METTL15: variants seen among roughly 807,000 people sequenced by gnomAD.
The protein encoded by METTL15 is methyltransferase 15, mitochondrial 12S rRNA N4-cytidine.
In METTL15, 34 loss-of-function variants were observed where a neutral mutation model predicts 38.3. That is an observed-to-expected ratio of 0.89 (90% CI 0.68 to 1.18). METTL15 has a LOEUF of 1.18. METTL15 is among the 50% of genes most tolerant of loss of function. The pLI is 0.00. For synonymous variants in METTL15, 162 were observed against 170.9 expected (o/e 0.95, Z 0.41); for missense variants, 438 against 498.4 (o/e 0.88, Z 1.15).
chr11:28,141,357 C>A (rs1054352828), intron 3 of METTL15, among the ~76,000 whole-genome samples: 1 of 151,976 alleles, frequency 6.6e-6, no homozygotes, highest in African/African-American at 2.4e-5. Context: ...TGAAAAATAT[C>A]TGAAAGATCA....
chr11:28,204,435 C>CTTT (rs59729387), intron 3 of METTL15, among the ~76,000 whole-genome samples: 1,109 of 79,364 alleles, frequency 0.014, 115 homozygotes, highest in Non-Finnish European at 0.019. Context: ...CTGAGTTTTC[C>CTTT]TTTTTTTTTT....
chr11:28,531,080 A>G (rs1351842635), downstream of METTL15, among the ~76,000 whole-genome samples: 1 of 151,920 alleles, frequency 6.6e-6, no homozygotes, highest in African/African-American at 2.4e-5. Flanking sequence ...CTGCATTTGT[A>G]CTTTTCATTC....
chr11:28,231,035 A>T (rs1217664437), intron 4 of METTL15, among the ~76,000 whole-genome samples: 1 of 151,846 alleles, frequency 6.6e-6, no homozygotes, highest in Non-Finnish European at 1.5e-5. Flanking sequence ...CTAAATTCAA[A>T]CTTAAATTAT....
intron 4 of METTL15, among the ~76,000 whole-genome samples, chr11:28,225,146 A>C (rs937706496): frequency 6.6e-6 from 1 of 151,712 alleles, no homozygotes; most frequent in Non-Finnish European, 1.5e-5. Flanking sequence ...TGGCTCTTTA[A>C]ATTCTATCTT....
chr11:28,295,966 G>C (rs772325163), intron 5 of METTL15, among the ~76,000 whole-genome samples: 1 of 152,086 alleles, frequency 6.6e-6, no homozygotes, highest in Admixed American at 6.6e-5. Context: ...TCATCACTTA[G>C]AATTCTTTGG....
intron 5 of METTL15, among the ~76,000 whole-genome samples, chr11:28,363,102 G>T (rs1363120888): frequency 6.6e-6 from 1 of 152,118 alleles, no homozygotes; most frequent in Non-Finnish European, 1.5e-5. Flanking sequence ...GCTCTCTGAT[G>T]AGTAGTGATG....
chr11:28,294,286 A>G (rs1182480994), intron 5 of METTL15, among the ~76,000 whole-genome samples: 1 of 152,170 alleles, frequency 6.6e-6, no homozygotes, highest in East Asian at 1.9e-4. Context: ...AAGAAAAGTC[A>G]TAGATTCAAA....
At chr11:28,444,467 A>G (rs1049289345) in intron 6 of METTL15, among the ~76,000 whole-genome samples, 3 of 152,184 alleles carry the variant, frequency 2.0e-5, no homozygotes, top group African/African-American at 7.2e-5. Context: ...TCCATTTGCT[A>G]TTATTAATTA....
intron 6 of METTL15, among the ~76,000 whole-genome samples, chr11:28,441,780 A>G (rs1851036801): frequency 6.6e-6 from 1 of 152,160 alleles, no homozygotes; most frequent in Non-Finnish European, 1.5e-5. Flanking sequence ...TCATTTTTCC[A>G]TAAGATAAAA....
intron 4 of METTL15, among the ~76,000 whole-genome samples, chr11:28,229,226 G>A (rs553730042): frequency 6.6e-6 from 1 of 152,024 alleles, no homozygotes; most frequent in Admixed American, 6.6e-5. Flanking sequence ...ATTATGCTAA[G>A]ATTTTGGAAA....
chr11:28,168,985 C>G (rs934495746), intron 3 of METTL15, among the ~76,000 whole-genome samples: 1 of 152,030 alleles, frequency 6.6e-6, no homozygotes, highest in Non-Finnish European at 1.5e-5. Flanking sequence ...GGACTTTAAC[C>G]TGTAGGCAAC....
At chr11:28,506,556 T>G (rs1223828047) in intron 6 of METTL15, among the ~76,000 whole-genome samples, 1 of 152,174 alleles carries the variant, frequency 6.6e-6, no homozygotes, top group Non-Finnish European at 1.5e-5. Flanking sequence ...TCATTCAATA[T>G]TTATGCCTAA....
intron 5 of METTL15, among the ~76,000 whole-genome samples, chr11:28,374,820 A>C (rs1367536668): frequency 1.3e-5 from 2 of 150,626 alleles, no homozygotes; most frequent in East Asian, 4.0e-4. Context: ...GATAGCTCTT[A>C]TTATTTTGAA....
intron 3 of METTL15, among the ~76,000 whole-genome samples, chr11:28,152,478 A>G (rs1850124465): frequency 6.6e-6 from 1 of 151,952 alleles, no homozygotes; most frequent in African/African-American, 2.4e-5. Context: ...TGTTTTTTAA[A>G]TATAGTTTGA....
chr11:28,272,225 C>T (rs1413679152), intron 4 of METTL15, among the ~76,000 whole-genome samples: 1 of 152,092 alleles, frequency 6.6e-6, no homozygotes, highest in African/African-American at 2.4e-5. Context: ...TGGGTATATA[C>T]CCAAAGGATT....
intron 6 of METTL15, among the ~76,000 whole-genome samples, chr11:28,310,286 C>T (rs531261993): frequency 6.6e-6 from 1 of 151,820 alleles, no homozygotes; most frequent in South Asian, 2.1e-4. Context: ...GAACCAAGAG[C>T]AGAATGAAGG....
At chr11:28,442,097 C>G (rs1177061480) in intron 6 of METTL15, among the ~76,000 whole-genome samples, 1 of 152,094 alleles carries the variant, frequency 6.6e-6, no homozygotes, top group Non-Finnish European at 1.5e-5. Flanking sequence ...ACAAGAGGCT[C>G]TTGTTATAAT....
intron 4 of METTL15, among the ~76,000 whole-genome samples, chr11:28,354,502 A>G (rs1255991487): frequency 6.6e-6 from 1 of 152,180 alleles, no homozygotes; most frequent in East Asian, 1.9e-4. Flanking sequence ...AATATTTGAA[A>G]GATTCTATTC....
chr11:28,430,776 C>T lies in METTL15; in HGVS notation c.*424+6412C>T, dbSNP rs1263926014. Among the ~76,000 whole-genome samples, 39 of 100,390 alleles carry T rather than the reference C, an allele frequency of 3.9e-4. No individual in the cohort carries two copies. The South Asian group carries it at 0.011, about 29-fold the overall frequency. 65.9% of individuals were successfully genotyped at this position (100,390 alleles called of 152,430 possible). A position where few individuals can be genotyped will look rare whatever the true frequency, so the allele number is the denominator to read the frequency against. ...GCCGCCCCGTCTGGGAGGTGAGGGG[C>T]GCCTCTGCCCGGCCGCCCCTACTGG... On this transcript the variant is annotated intron_variant and NMD_transcript_variant, in intron 6 of 7. Transcript: ENST00000532947.
Sources: allele counts gnomAD v4.1 joint callset (sites outside exome capture counted in the v4.1 genomes callset), GRCh38; gene constraint gnomAD v4.1.1; transcripts MANE v1.5; gene names NCBI Gene and HGNC (gene_info 2026-07-23, HGNC 2026-07-21).